The following MACROD2 variants were observed in gnomAD, a reference collection of about 807,000 sequenced individuals.
MACROD2 encodes mono-ADP ribosylhydrolase 2.
In MACROD2, 36 loss-of-function variants were observed where a neutral mutation model predicts 70.4. That is an observed-to-expected ratio of 0.51 (90% CI 0.39 to 0.68). The LOEUF is 0.68. MACROD2 is among the 30% of genes least tolerant of loss of function. The probability of loss-of-function intolerance (pLI) is 0.00; values close to 1 mark genes in which losing one functional copy is unlikely to be tolerated. For synonymous variants in MACROD2, 172 were observed against 178.8 expected (o/e 0.96, Z 0.30); for missense variants, 496 against 538.4 (o/e 0.92, Z 0.78).
At chr20:14,703,523 C>T (rs746188940) in intron 5 of MACROD2, among the ~76,000 whole-genome samples, 12 of 152,154 alleles carry the variant, frequency 7.9e-5, no homozygotes, top group Admixed American at 2.0e-4. Flanking sequence ...TTCTCTCCAG[C>T]TGTGCTCTAA....
At chr20:15,525,664 T>G (rs1247797902) in intron 8 of MACROD2, among the ~76,000 whole-genome samples, 5 of 152,228 alleles carry the variant, frequency 3.3e-5, no homozygotes. Flanking sequence ...CAGTAACTAG[T>G]GAAACTTTGT....
chr20:14,512,483 G>A (rs988633446), intron 4 of MACROD2, among the ~76,000 whole-genome samples: 1 of 152,098 alleles, frequency 6.6e-6, no homozygotes, highest in African/African-American at 2.4e-5. Flanking sequence ...AGAGAAAAGT[G>A]GAGGGAGGAA....
chr20:14,204,012 C>A (rs1332847234), intron 3 of MACROD2, among the ~76,000 whole-genome samples: 1 of 152,148 alleles, frequency 6.6e-6, no homozygotes, highest in Non-Finnish European at 1.5e-5. Context: ...GGCAGCTTAA[C>A]CCTTGGGCCC....
intron 8 of MACROD2, among the ~76,000 whole-genome samples, chr20:15,664,122 A>G (rs978271024): frequency 6.6e-6 from 1 of 152,234 alleles, no homozygotes; most frequent in Non-Finnish European, 1.5e-5. Context: ...AATTAAAGAA[A>G]TCACCTTCAG....
chr20:14,603,104 A>G (rs1019035520), intron 4 of MACROD2, among the ~76,000 whole-genome samples: 3 of 152,194 alleles, frequency 2.0e-5, no homozygotes, highest in African/African-American at 7.2e-5. Flanking sequence ...TTTGCACCAT[A>G]TAGTTGGTTT....
chr20:15,458,982 G>T (rs1413404282), intron 7 of MACROD2, among the ~76,000 whole-genome samples: 2 of 152,128 alleles, frequency 1.3e-5, no homozygotes, highest in African/African-American at 4.8e-5. Flanking sequence ...GAATGTTGCA[G>T]TTGTGAGCCT....
At chr20:14,834,007 G>A (rs2073000528) in intron 5 of MACROD2, among the ~76,000 whole-genome samples, 1 of 151,860 alleles carries the variant, frequency 6.6e-6, no homozygotes, top group African/African-American at 2.4e-5. Context: ...AATTTTCTGA[G>A]AAAATCTTGC....
At chr20:15,848,127 A>G (rs553683996) in intron 8 of MACROD2, among the ~76,000 whole-genome samples, 1 of 152,346 alleles carries the variant, frequency 6.6e-6, no homozygotes, top group African/African-American at 2.4e-5. Context: ...ATTTTACCTT[A>G]AGACTATAAT....
chr20:14,622,273 G>T (rs1306568089), intron 4 of MACROD2, among the ~76,000 whole-genome samples: 1 of 152,028 alleles, frequency 6.6e-6, no homozygotes, highest in Non-Finnish European at 1.5e-5. Context: ...TGCACTTTCT[G>T]AGAAGTTGTC....
intron 9 of MACROD2, among the ~76,000 whole-genome samples, chr20:15,874,889 G>A (rs2064645888): frequency 6.6e-6 from 1 of 152,072 alleles, no homozygotes; most frequent in African/African-American, 2.4e-5. Context: ...ATGTTATTTG[G>A]GATTGATTCT....
In MACROD2 at chr20:14,256,287, A is replaced by G. The variant is rs1025993330; in HGVS notation, c.271+170559A>G. On this transcript the variant is annotated intron_variant, in intron 3 of 17. Coordinates refer to ENST00000684519, the MANE Select transcript of MACROD2 (RefSeq NM_001351661.2). The stretch of plus-strand genomic sequence containing the variant: ...GTCTATTTATCTTCTGATATAACCA[A>G]CTTTTAAAGAAATTCCTCACGCATA... Among the ~76,000 whole-genome samples, 16 of 152,212 alleles carry G rather than the reference A, an allele frequency of 1.1e-4. 1 individual carries two copies. The East Asian group carries it at 3.1e-3, about 29-fold the overall frequency.
In MACROD2 at chr20:15,839,786, CATT is replaced by C. The variant is rs774126243; in HGVS notation, c.646-22958_646-22956del. ...TGTAGTTCATATGTCTATATATCATCATTGTGAGAATCATTCTGTATTATTATA... is the reference window on the plus strand; with the variant it reads ...TGTAGTTCATATGTCTATATATCATCGTGAGAATCATTCTGTATTATTATA... On this transcript the variant is annotated intron_variant, in intron 8 of 17. Coordinates refer to ENST00000684519, the MANE Select transcript of MACROD2 (RefSeq NM_001351661.2). 3.4e-3 allele frequency among the ~76,000 whole-genome samples: 510 copies of C among 152,140 alleles called. 5 individuals are homozygous for C. The highest frequency in any genetic ancestry group is 6.8e-3 in the Middle Eastern group (2 of 294).
At chr20:14,681,341 ACTAGAAACAGT>A (rs1424893534) in intron 4 of MACROD2, among the ~76,000 whole-genome samples, 1 of 152,212 alleles carries the variant, frequency 6.6e-6, no homozygotes, top group African/African-American at 2.4e-5. Context: ...ATAGCTAAAA[ACTAGAAACAGT>A]CTAATGTCTA....
intron 8 of MACROD2, among the ~76,000 whole-genome samples, chr20:15,776,742 A>G (rs1369287068): frequency 6.6e-6 from 1 of 152,166 alleles, no homozygotes. Context: ...ATTTGCTCCA[A>G]AACTACATTT....
At chr20:14,816,725 G>T (rs1392162521) in intron 5 of MACROD2, among the ~76,000 whole-genome samples, 1 of 151,982 alleles carries the variant, frequency 6.6e-6, no homozygotes, top group African/African-American at 2.4e-5. Context: ...AGGAATTGCG[G>T]TGCATGTTAT....
chr20:15,251,838 A>G (rs956538296), intron 6 of MACROD2, among the ~76,000 whole-genome samples: 1 of 152,218 alleles, frequency 6.6e-6, no homozygotes, highest in African/African-American at 2.4e-5. Context: ...ATGTAAATAC[A>G]TACCACACAG....
At chr20:15,068,204 G>C (rs1164423271) in intron 5 of MACROD2, among the ~76,000 whole-genome samples, 1 of 152,102 alleles carries the variant, frequency 6.6e-6, no homozygotes, top group Non-Finnish European at 1.5e-5. Flanking sequence ...GGGGATTGCA[G>C]ATGGTCACTG....
intron 8 of MACROD2, among the ~76,000 whole-genome samples, chr20:15,734,076 G>A (rs1304032228): frequency 6.6e-6 from 1 of 152,190 alleles, no homozygotes; most frequent in Admixed American, 6.5e-5. Flanking sequence ...GCAAGGGAGA[G>A]GGGGCAGGAA....
intron 5 of MACROD2, among the ~76,000 whole-genome samples, chr20:15,024,998 C>T (rs2075219313): frequency 6.6e-6 from 1 of 152,024 alleles, no homozygotes; most frequent in Admixed American, 6.6e-5. Flanking sequence ...GATTTCTCAC[C>T]ATTAGTTAAA....
Sources: allele counts gnomAD v4.1 joint callset (sites outside exome capture counted in the v4.1 genomes callset), GRCh38; gene constraint gnomAD v4.1.1; transcripts MANE v1.5; gene names NCBI Gene and HGNC (gene_info 2026-07-23, HGNC 2026-07-21).